The following GRID2 variants were observed in gnomAD, a reference collection of about 807,000 sequenced individuals.
GRID2 encodes the protein glutamate receptor ionotropic, delta-2.
In GRID2, 33 loss-of-function variants were observed where a neutral mutation model predicts 114.8. That is an observed-to-expected ratio of 0.29 (90% CI 0.22 to 0.38). The LOEUF (loss-of-function observed/expected upper bound fraction) is 0.38. Among genes scored for constraint, GRID2 ranks in the 10% least tolerant of loss-of-function variants. The pLI is 1.00. For missense variants in GRID2, 1,184 were observed against 1,257.7 expected, an observed-to-expected ratio of 0.94 and a Z score of 0.89; for synonymous variants, 505 against 449.9, an observed-to-expected ratio of 1.12 and a Z score of -1.55.
rs527546216 is a variant in GRID2 at position 92,810,435 on chromosome 4, G to C, written c.244+220149G>C. 2.6e-5 allele frequency among the ~76,000 whole-genome samples: 4 copies of C among 151,974 alleles called. No individual in the cohort carries two copies. In the East Asian group the frequency reaches 7.8e-4, roughly 29 times the overall value. ...CCTAGACTCCACCATTACACAGTTC[G>C]TCTATTTAACTAAAAACTACTTGTA... On this transcript the variant is annotated intron_variant, in intron 2 of 15. Coordinates refer to ENST00000282020, the MANE Select transcript of GRID2 (RefSeq NM_001510.4).
At chr4:93,211,176 A>C (rs1249325368) in intron 5 of GRID2, among the ~76,000 whole-genome samples, 1 of 152,080 alleles carries the variant, frequency 6.6e-6, no homozygotes, top group Non-Finnish European at 1.5e-5. Flanking sequence ...TTAAAAGTAT[A>C]AACTGAAATA....
chr4:92,884,914 G>A (rs1288235926), intron 2 of GRID2: 2 of 365,026 alleles, frequency 5.5e-6, no homozygotes, highest in African/African-American at 4.3e-5. Flanking sequence ...TAGATGATAA[G>A]CTGGTGACAT....
chr4:93,771,682 G>C (rs569384429), intron 15 of GRID2, among the ~76,000 whole-genome samples: 3 of 152,170 alleles, frequency 2.0e-5, no homozygotes, highest in African/African-American at 7.2e-5. Flanking sequence ...GGAATGAGAC[G>C]CCCTGAAAAG....
rs141583883 is a variant in GRID2 at position 92,532,711 on chromosome 4, A to G, written c.89-57420A>G. 1.5e-4 allele frequency among the ~76,000 whole-genome samples: 23 copies of G among 152,320 alleles called. No homozygotes were observed. In the East Asian group the frequency reaches 2.1e-3, roughly 14 times the overall value. On this transcript the variant is annotated intron_variant, in intron 1 of 15. Coordinates refer to ENST00000282020, the MANE Select transcript of GRID2 (RefSeq NM_001510.4). The stretch of plus-strand genomic sequence containing the variant: ...AATGGAAAAGGTATTTATCAAGCTA[A>G]GTCATGTAAATGTAATATGTTTATT...
rs754454093 is a variant in GRID2, at chr4:93,224,658, T to C, written c.1008T>C (p.Asn336=). The part of the protein sequence containing the change: ...YIYDTVLLLA[N]AFHKKLEDRK... ...ATGACACGGTGCTTCTGCTTGCTAATGCTTTTCATAAGAAGCTGGAGGACC... is the reference window on the plus strand; with the variant it reads ...ATGACACGGTGCTTCTGCTTGCTAACGCTTTTCATAAGAAGCTGGAGGACC... Residue 336 remains asparagine (N), a synonymous_variant, in exon 7 of 16, where the codon AAT becomes AAC. Transcript: ENST00000282020. 6.2e-7 allele frequency: 1 copy of C among 1,611,744 alleles called. No individual in the cohort carries two copies.
intron 12 of GRID2, among the ~76,000 whole-genome samples, chr4:93,497,600 G>GA (rs1727676116): frequency 2.0e-5 from 3 of 151,590 alleles, no homozygotes; most frequent in African/African-American, 7.3e-5. Context: ...CAGCATTGCT[G>GA]AAAAGACTAT....
intron 14 of GRID2, among the ~76,000 whole-genome samples, chr4:93,658,768 G>A (rs1723233637): frequency 6.6e-6 from 1 of 152,308 alleles, no homozygotes; most frequent in South Asian, 2.1e-4. Flanking sequence ...CCCATTATTA[G>A]AGGGTAAGAG....
At chr4:92,542,665 A>G (rs1411085433) in intron 1 of GRID2, among the ~76,000 whole-genome samples, 2 of 152,032 alleles carry the variant, frequency 1.3e-5, no homozygotes, top group Admixed American at 6.6e-5. Flanking sequence ...AAAAGGCTAC[A>G]CATTGGGTAC....
Position 92,417,876 on chromosome 4 carries a change from C to T in GRID2, c.88+113132C>T, listed in dbSNP as rs1284935241. On this transcript the variant is annotated intron_variant, in intron 1 of 15. Transcript: ENST00000282020. ...AGTGAATAAGTCTCATGCGATCTGA[C>T]GGTTTTATAAATGGGATTTCCCCTG... 5.3e-5 allele frequency among the ~76,000 whole-genome samples: 8 copies of T among 152,006 alleles called. No individual in the cohort carries two copies. The East Asian group carries it at 5.8e-4, about 11-fold the overall frequency.
chr4:93,269,038 A>C (rs1340765635), intron 8 of GRID2, among the ~76,000 whole-genome samples: 1 of 152,188 alleles, frequency 6.6e-6, no homozygotes, highest in Non-Finnish European at 1.5e-5. Context: ...TCTTACAGAT[A>C]TGTAATTTTG....
At chr4:93,174,793 A>G (rs1241339138) in intron 4 of GRID2, among the ~76,000 whole-genome samples, 1 of 152,134 alleles carries the variant, frequency 6.6e-6, no homozygotes, top group Non-Finnish European at 1.5e-5. Context: ...ATGCCACCCA[A>G]GAGTGTGGTA....
At chr4:92,983,282 CTT>C (rs1028294523) in intron 2 of GRID2, among the ~76,000 whole-genome samples, 2 of 152,058 alleles carry the variant, frequency 1.3e-5, no homozygotes, top group Admixed American at 6.6e-5. Flanking sequence ...TGGAGAGGAA[CTT>C]TTTACTGTGT....
At chr4:92,341,666 A>AGGTGGTGGC in intron 1 of GRID2, among the ~76,000 whole-genome samples, 1 of 152,216 alleles carries the variant, frequency 6.6e-6, no homozygotes, top group Non-Finnish European at 1.5e-5. Flanking sequence ...CACGTCTGTA[A>AGGTGGTGGC]TCCCAGCACT....
chr4:92,587,259 C>T (rs1432464351), intron 1 of GRID2, among the ~76,000 whole-genome samples: 1 of 151,758 alleles, frequency 6.6e-6, no homozygotes. Context: ...GATCTAGATG[C>T]TTTGACATCA....
In GRID2 at chr4:93,098,020, C is replaced by A. The variant is rs548582707; in HGVS notation, c.530-12728C>A. ...TCAGATATCTCACCTTTCTAAGTGG[C>A]TTTATCCCTTGCTATTCTAGTTTTT... is the stretch of plus-strand genomic sequence containing the variant. On this transcript the variant is annotated intron_variant, in intron 3 of 15. Transcript: ENST00000282020. Among the ~76,000 whole-genome samples the A allele has an allele frequency of 1.6e-4, 24 of 151,986 alleles. 1 individual carries two copies. The highest frequency in any genetic ancestry group is 1.3e-3 in the Admixed American group (20 of 15,204).
rs77247070 is a variant in GRID2, at chr4:92,439,783, G to T, written c.88+135039G>T. On this transcript the variant is annotated intron_variant, in intron 1 of 15. Coordinates refer to ENST00000282020, the MANE Select transcript of GRID2 (RefSeq NM_001510.4). ...AGAGTGCCTAAGGAGATTCAGCATAGTCCTGCCAGCAAAGATTATTTATTT... is the reference window on the plus strand; with the variant it reads ...AGAGTGCCTAAGGAGATTCAGCATATTCCTGCCAGCAAAGATTATTTATTT... Among the ~76,000 whole-genome samples the T allele has an allele frequency of 1.4e-5, 2 of 146,130 alleles. 1 individual carries two copies. Among genetic ancestry groups the T allele is most frequent in the Admixed American group, 1.4e-4 (2 of 14,670 alleles).
At position 92,961,711 on chromosome 4, in the gene GRID2, G is replaced by C. The variant is rs547302517; in HGVS notation, c.245-123284G>C. On this transcript the variant is annotated intron_variant, in intron 2 of 15. Transcript: ENST00000282020. ...TTCCTGAATCTTTGGTTTGGTGTCAGACATAACTTGAAGAAATTCTTGGTC... is the reference window on the plus strand; with the variant it reads ...TTCCTGAATCTTTGGTTTGGTGTCACACATAACTTGAAGAAATTCTTGGTC... 7.3e-5 allele frequency among the ~76,000 whole-genome samples: 11 copies of C among 151,298 alleles called. No individual in the cohort carries two copies. In the South Asian group the frequency reaches 2.3e-3, roughly 32 times the overall value.
At chr4:92,633,987 TTCTC>T (rs1560501308) in intron 2 of GRID2, among the ~76,000 whole-genome samples, 2 of 152,006 alleles carry the variant, frequency 1.3e-5, no homozygotes, top group African/African-American at 2.4e-5. Flanking sequence ...TTTACCTCTC[TTCTC>T]TCTGTTTTTA....
intron 2 of GRID2, among the ~76,000 whole-genome samples, chr4:92,784,896 T>G (rs1451880929): frequency 6.6e-6 from 1 of 151,890 alleles, no homozygotes. Context: ...CATCTTTTCT[T>G]TAGGTAGTTT....
Sources: gnomAD v4.1 joint callset for allele counts (sites outside exome capture counted in the v4.1 genomes callset) on GRCh38, gnomAD v4.1.1 for gene constraint, MANE v1.5 for transcripts, NCBI Gene and HGNC (gene_info 2026-07-23, HGNC 2026-07-21) for gene names.